The following CLVS1 variants were observed in gnomAD, a reference collection of about 807,000 sequenced individuals.
CLVS1 encodes clavesin-1.
CLVS1 carries 10 observed loss-of-function variants against 33.1 expected under a neutral mutation model. That is an observed-to-expected ratio of 0.30 (90% CI 0.19 to 0.51). CLVS1 has a LOEUF of 0.51. CLVS1 is among the 20% of genes least tolerant of loss of function. The pLI is 0.97. For missense variants in CLVS1, 343 were observed against 433.4 expected (o/e 0.79, Z 1.85); for synonymous variants, 163 against 166.1 (o/e 0.98, Z 0.14).
intron 2 of CLVS1, among the ~76,000 whole-genome samples, chr8:61,202,032 A>T (rs975164422): frequency 3.3e-5 from 5 of 152,202 alleles, no homozygotes; most frequent in African/African-American, 1.2e-4. Flanking sequence ...GAACTTTTTA[A>T]AAGAGGCAAA....
At chr8:61,106,324 G>C (rs1305894620) in intron 1 of CLVS1, among the ~76,000 whole-genome samples, 1 of 152,208 alleles carries the variant, frequency 6.6e-6, no homozygotes, top group Non-Finnish European at 1.5e-5. Flanking sequence ...TGGATGGCTC[G>C]CTGTTGATTT....
At chr8:61,092,391 A>C (rs1292246486) in intron 1 of CLVS1, among the ~76,000 whole-genome samples, 1 of 152,196 alleles carries the variant, frequency 6.6e-6, no homozygotes, top group Admixed American at 6.5e-5. Flanking sequence ...CCTCATAGGA[A>C]GAGGTGGAGC....
the CLVS1 span, among the ~76,000 whole-genome samples, chr8:60,987,123 T>A: frequency 6.6e-6 from 1 of 152,188 alleles, no homozygotes; most frequent in Admixed American, 6.5e-5. Context: ...ACAAAGCAGA[T>A]GATTACAATG....
chr8:61,038,323 G>T, the CLVS1 span, among the ~76,000 whole-genome samples: 1 of 151,850 alleles, frequency 6.6e-6, no homozygotes, highest in Admixed American at 6.6e-5. Flanking sequence ...AATCTTTGCT[G>T]GTGTTTCCCA....
At chr8:61,121,022 G>C (rs1411679704) in intron 1 of CLVS1, among the ~76,000 whole-genome samples, 1 of 150,980 alleles carries the variant, frequency 6.6e-6, no homozygotes, top group Admixed American at 6.6e-5. Context: ...AGCAATCAGC[G>C]AGACTCCGTG....
chr8:61,428,920 A>G (rs1228792186), intron 3 of CLVS1, among the ~76,000 whole-genome samples: 1 of 152,190 alleles, frequency 6.6e-6, no homozygotes, highest in Non-Finnish European at 1.5e-5. Context: ...ACACATACAT[A>G]CACATATTAA....
chr8:61,190,407 C>T (rs1194746993), intron 2 of CLVS1, among the ~76,000 whole-genome samples: 1 of 152,006 alleles, frequency 6.6e-6, no homozygotes, highest in African/African-American at 2.4e-5. Flanking sequence ...ACTAAATGCC[C>T]ACAAGAGAAA....
At chr8:61,037,483 A>G in the CLVS1 span, among the ~76,000 whole-genome samples, 2 of 152,224 alleles carry the variant, frequency 1.3e-5, no homozygotes, top group African/African-American at 4.8e-5. Context: ...TTAAGGCCGC[A>G]TAATATCCCC....
At chr8:61,327,330 T>C (rs987695618) in intron 2 of CLVS1, among the ~76,000 whole-genome samples, 1 of 152,238 alleles carries the variant, frequency 6.6e-6, no homozygotes, top group African/African-American at 2.4e-5. Context: ...CTAATTGTCA[T>C]GATAATGCTC....
At chr8:61,245,060 TA>T (rs1467373826) in intron 2 of CLVS1, among the ~76,000 whole-genome samples, 1 of 152,220 alleles carries the variant, frequency 6.6e-6, no homozygotes, top group Non-Finnish European at 1.5e-5. Context: ...TGCCACTTTT[TA>T]CTTTTAACAA....
the CLVS1 span, among the ~76,000 whole-genome samples, chr8:61,004,008 C>T: frequency 6.6e-6 from 1 of 152,166 alleles, no homozygotes; most frequent in Non-Finnish European, 1.5e-5. Context: ...GAGCAGGGAT[C>T]TGAATGAGGT....
At chr8:61,219,548 T>C (rs548995298) in intron 2 of CLVS1, among the ~76,000 whole-genome samples, 2 of 152,374 alleles carry the variant, frequency 1.3e-5, no homozygotes, top group African/African-American at 4.8e-5. Flanking sequence ...CAGTCTATCA[T>C]TGATGGGCAT....
chr8:61,108,980 A>G (rs1324283675), intron 1 of CLVS1, among the ~76,000 whole-genome samples: 1 of 152,166 alleles, frequency 6.6e-6, no homozygotes, highest in Non-Finnish European at 1.5e-5. Context: ...AGATGGAGGG[A>G]AAGGGGTGAG....
intron 1 of CLVS1, among the ~76,000 whole-genome samples, chr8:61,120,757 G>A (rs1413480101): frequency 7.0e-6 from 1 of 143,842 alleles, no homozygotes; most frequent in Non-Finnish European, 1.5e-5. Context: ...CGTGCTGGGA[G>A]AACCACTGCT....
chr8:61,019,410 A>G, the CLVS1 span, among the ~76,000 whole-genome samples: 3 of 152,210 alleles, frequency 2.0e-5, no homozygotes, highest in Admixed American at 6.5e-5. Flanking sequence ...CTCACACTCC[A>G]TTTAGACTCA....
the CLVS1 span, among the ~76,000 whole-genome samples, chr8:61,040,207 G>A: frequency 1.1e-4 from 17 of 152,280 alleles, no homozygotes; most frequent in Non-Finnish European, 1.9e-4. Context: ...GTATTCCATA[G>A]TGTATATGTA....
chr8:61,148,541 C>T (rs550874616), intron 2 of CLVS1, among the ~76,000 whole-genome samples: 22 of 152,278 alleles, frequency 1.4e-4, no homozygotes, highest in Middle Eastern at 3.4e-3. Flanking sequence ...TGGATAGATG[C>T]CATTTTTAGT....
chr8:61,343,479 C>T (rs1270696701), intron 2 of CLVS1, among the ~76,000 whole-genome samples: 1 of 152,054 alleles, frequency 6.6e-6, no homozygotes, highest in Non-Finnish European at 1.5e-5. Flanking sequence ...CTGAGAGTTC[C>T]CAGGAATTTT....
At chr8:61,393,692 C>A (rs577105991) in intron 3 of CLVS1, among the ~76,000 whole-genome samples, 119 of 152,244 alleles carry the variant, frequency 7.8e-4, no homozygotes, top group African/African-American at 2.7e-3. Flanking sequence ...GTCTAGCCAC[C>A]CTTTGGGGCT....
Sources: gnomAD v4.1 joint callset for allele counts (sites outside exome capture counted in the v4.1 genomes callset) on GRCh38, gnomAD v4.1.1 for gene constraint, MANE v1.5 for transcripts, NCBI Gene and HGNC (gene_info 2026-07-23, HGNC 2026-07-21) for gene names.